The following SHANK2 variants were observed in gnomAD, a reference collection of about 807,000 sequenced individuals.
SHANK2 encodes SH3 and multiple ankyrin repeat domains protein 2.
Under a neutral mutation model 133.7 loss-of-function variants are expected in SHANK2, and 43 were observed. That is an observed-to-expected ratio of 0.32 (90% CI 0.25 to 0.41). SHANK2 has a LOEUF of 0.41. SHANK2 is among the 10% of genes least tolerant of loss of function. The pLI is 1.00. For missense variants in SHANK2, 1,994 were observed against 2,235.8 expected (o/e 0.89, Z 2.18); for synonymous variants, 1,017 against 952.8 (o/e 1.07, Z -1.24).
At chr11:70,692,628 A>T (rs1426668444) in intron 15 of SHANK2, among the ~76,000 whole-genome samples, 1 of 152,260 alleles carries the variant, frequency 6.6e-6, no homozygotes, top group Non-Finnish European at 1.5e-5. Context: ...GATTCTCTCT[A>T]GGGAGAAGAA....
rs115961199 is a variant in SHANK2, at chr11:70,636,265, G to A, written c.2061+23563C>T. ...AGTGTATGAGCATGCGTGTATGCGA[G>A]CATGCATGTGTGTGTACATGTATGA... On this transcript the variant is annotated intron_variant, in intron 17 of 25. Transcript: ENST00000601538. Among the ~76,000 whole-genome samples the A allele has an allele frequency of 8.5e-3, 1,292 of 152,376 alleles. 19 individuals carry two copies. The highest frequency in any genetic ancestry group is 0.03 in the African/African-American group (1,237 of 41,604).
rs1437688354 is a variant in SHANK2 at position 70,543,748 on chromosome 11, G to A, written c.2062-40817C>T. On this transcript the variant is annotated intron_variant, in intron 17 of 25. Transcript: ENST00000601538. ...TGGGAACCCTGATTCATAGCTGGTC[G>A]GTCAGAGGCACAGGTCACAACCTGG... is the stretch of plus-strand genomic sequence containing the variant. Among the ~76,000 whole-genome samples, 53 of 152,322 alleles carry A rather than the reference G, an allele frequency of 3.5e-4. 2 individuals carry two copies. Among genetic ancestry groups the A allele is most frequent in the Admixed American group, 3.4e-3 (52 of 15,302 alleles).
intron 17 of SHANK2, among the ~76,000 whole-genome samples, chr11:70,628,761 C>T (rs1295812311): frequency 5.3e-5 from 8 of 152,346 alleles, no homozygotes; most frequent in South Asian, 2.1e-4. Flanking sequence ...GCCGAAGTTT[C>T]GGCCCACCTG....
chr11:70,834,366 GA>G (rs1295498504), intron 11 of SHANK2, among the ~76,000 whole-genome samples: 3 of 152,240 alleles, frequency 2.0e-5, no homozygotes, highest in Middle Eastern at 3.4e-3. Context: ...ATGGGGAGCC[GA>G]AAAAAGAAAA....
chr11:71,080,750 C>A (rs909949205), intron 8 of SHANK2, among the ~76,000 whole-genome samples: 1 of 152,184 alleles, frequency 6.6e-6, no homozygotes, highest in Non-Finnish European at 1.5e-5. Context: ...AACAACGTCT[C>A]GTCCAAACAC....
At chr11:71,094,140 AGGTGATG>A (rs1284583616) in intron 7 of SHANK2, among the ~76,000 whole-genome samples, 1 of 151,856 alleles carries the variant, frequency 6.6e-6, no homozygotes, top group African/African-American at 2.4e-5. Flanking sequence ...GCCTGGAGGG[AGGTGATG>A]GGTCATGGGG....
chr11:70,931,831 C>T (rs1950508265), intron 10 of SHANK2, among the ~76,000 whole-genome samples: 1 of 152,378 alleles, frequency 6.6e-6, no homozygotes, highest in Admixed American at 6.5e-5. Context: ...CAGATACCCT[C>T]TCAACGACGC....
At chr11:70,740,516 G>T (rs1946501689) in intron 14 of SHANK2, among the ~76,000 whole-genome samples, 1 of 152,056 alleles carries the variant, frequency 6.6e-6, no homozygotes, top group South Asian at 2.1e-4. Context: ...TTGTAAACAG[G>T]GAGTAGCTGA....
chr11:71,178,799 C>T (rs7931473), intron 2 of SHANK2, among the ~76,000 whole-genome samples: 33,593 of 151,136 alleles, frequency 0.22, 3,901 homozygotes, highest in South Asian at 0.28. Flanking sequence ...GCCTGGCCAA[C>T]ACGGTGAAAC....
intron 11 of SHANK2, among the ~76,000 whole-genome samples, chr11:70,831,873 C>A (rs563114754): frequency 1.3e-5 from 2 of 152,200 alleles, no homozygotes; most frequent in African/African-American, 2.4e-5. Flanking sequence ...GGAGTCAAGA[C>A]GCAGGTTTGG....
chr11:70,765,662 T>C (rs1555041170), intron 14 of SHANK2, among the ~76,000 whole-genome samples: 1 of 152,038 alleles, frequency 6.6e-6, no homozygotes, highest in African/African-American at 2.4e-5. Flanking sequence ...ATCCAGGAGC[T>C]CCCAAGAAGC....
At chr11:71,170,695 G>T (rs2135506868) in intron 2 of SHANK2, among the ~76,000 whole-genome samples, 1 of 152,348 alleles carries the variant, frequency 6.6e-6, no homozygotes, top group South Asian at 2.1e-4. Context: ...TGTGTTGCCT[G>T]TTCCCGACCT....
intron 14 of SHANK2, among the ~76,000 whole-genome samples, chr11:70,755,561 G>A (rs1018761394): frequency 1.2e-4 from 18 of 152,322 alleles, no homozygotes; most frequent in African/African-American, 3.8e-4. Flanking sequence ...CCCCGGCCCC[G>A]GCCTGCAGTG....
At chr11:70,606,292 C>T (rs1341778250) in intron 17 of SHANK2, among the ~76,000 whole-genome samples, 1 of 152,078 alleles carries the variant, frequency 6.6e-6, no homozygotes, top group Non-Finnish European at 1.5e-5. Context: ...TTGCTCCTGC[C>T]TTTGATCCCA....
At chr11:70,794,333 A>T (rs1221286784) in intron 14 of SHANK2, among the ~76,000 whole-genome samples, 1 of 151,958 alleles carries the variant, frequency 6.6e-6, no homozygotes, top group Non-Finnish European at 1.5e-5. Flanking sequence ...CATAGCTGAT[A>T]TCACAGGCAT....
intron 10 of SHANK2, among the ~76,000 whole-genome samples, chr11:70,933,958 G>A (rs1468518459): frequency 1.3e-5 from 2 of 151,236 alleles, no homozygotes; most frequent in African/African-American, 2.4e-5. Flanking sequence ...ACAGCTGGGC[G>A]CAGTGGCTCA....
At chr11:71,106,989 C>T (rs1555098056) in intron 6 of SHANK2, among the ~76,000 whole-genome samples, 3 of 152,072 alleles carry the variant, frequency 2.0e-5, no homozygotes, top group African/African-American at 4.8e-5. Context: ...GTGCCACATG[C>T]CTGTAGTCCC....
intron 2 of SHANK2, among the ~76,000 whole-genome samples, chr11:71,198,597 G>A (rs563374694): frequency 3.9e-5 from 6 of 152,208 alleles, no homozygotes; most frequent in South Asian, 2.1e-4. Context: ...AGCTGACCCC[G>A]CAGACGCCGT....
intron 1 of SHANK2, among the ~76,000 whole-genome samples, chr11:71,225,137 C>T (rs900423711): frequency 6.6e-6 from 1 of 152,174 alleles, no homozygotes; most frequent in Non-Finnish European, 1.5e-5. Flanking sequence ...GGAGCAGGAA[C>T]AGTACCACAA....
Sources: gnomAD v4.1 joint callset for allele counts (sites outside exome capture counted in the v4.1 genomes callset) on GRCh38, gnomAD v4.1.1 for gene constraint, MANE v1.5 for transcripts, NCBI Gene and HGNC (gene_info 2026-07-23, HGNC 2026-07-21) for gene names.